The following AMELX variants were observed in gnomAD, a reference collection of about 807,000 sequenced individuals.
AMELX encodes the protein amelogenin X-linked.
In AMELX, 9 loss-of-function variants were observed where a neutral mutation model predicts 15.8. The observed-to-expected ratio is 0.57, with a 90% CI of 0.34 to 0.99. The LOEUF (loss-of-function observed/expected upper bound fraction) is 0.99, where lower values mean the gene tolerates loss of function less well. Ranked by LOEUF, AMELX falls within the 50% of genes least tolerant of loss-of-function variation. The pLI is 0.02. For missense variants in AMELX, 107 were observed against 156.2 expected (o/e 0.68, Z 1.68); for synonymous variants, 61 against 58.8 (o/e 1.04, Z -0.17).
At chrX:11,296,973 C>A in intron 3 of AMELX, 147 bp downstream of exon 3, 1 of 861,991 alleles carries the variant, frequency 1.2e-6, no homozygotes, top group Non-Finnish European at 1.7e-6. Context: ...CCAGTTTAAG[C>A]TCTGATGGTT....
chrX:11,294,757 G>T lies in AMELX; in HGVS notation c.-12-20G>T. The T allele has an allele frequency of 8.3e-7, 1 of 1,203,118 alleles. No homozygotes were observed. Among genetic ancestry groups the T allele is most frequent in the South Asian group, 1.8e-5 (1 of 56,775 alleles). ...TGTTTCAGAAGAGATAAGAAAAGTGGATGTTGACTTACATTTCAGAACCAT... is the reference window on the plus strand; with the variant it reads ...TGTTTCAGAAGAGATAAGAAAAGTGTATGTTGACTTACATTTCAGAACCAT... On this transcript the variant is annotated intron_variant, in intron 1 of 5. Coordinates refer to ENST00000380714, the MANE Select transcript of AMELX (RefSeq NM_001142.2).
intron 1 of AMELX, among the ~76,000 whole-genome samples, chrX:11,294,011 C>A (rs1275233567): frequency 2.7e-5 from 3 of 112,449 alleles, no homozygotes; most frequent in Admixed American, 9.4e-5. Flanking sequence ...TTTAGGAGGA[C>A]CTGTTTTGCT....
At chrX:11,298,485 T>C (rs901083279) in intron 4 of AMELX, 63 bp from the exon 5 acceptor site, 20 of 1,194,706 alleles carry the variant, frequency 1.7e-5, no homozygotes, top group African/African-American at 3.5e-5. Context: ...AAGAAAACAC[T>C]GCTGCTTCTC....
Position 11,300,594 on chromosome X carries a change from C to T in AMELX, c.571-13C>T, listed in dbSNP as rs776065625. 50 of 1,185,672 alleles carry T rather than the reference C, an allele frequency of 4.2e-5. No homozygotes were observed. The highest frequency in any genetic ancestry group is 5.3e-5 in the African/African-American group (3 of 56,718). On this transcript the variant is annotated splice_polypyrimidine_tract_variant and intron_variant, in intron 5 of 5. Coordinates refer to ENST00000380714, the MANE Select transcript of AMELX (RefSeq NM_001142.2). ...GTAAATTATTTTAACTGTTCTTTTG[C>T]AATTTTTTTCAGGATTAAAAGATCA...
chrX:11,294,082 T>A (rs147108420), intron 1 of AMELX, among the ~76,000 whole-genome samples: 3,891 of 112,120 alleles, frequency 0.035, 179 homozygotes, highest in African/African-American at 0.12. Flanking sequence ...AAAATGAAGA[T>A]TCCATTGAAA....
chrX:11,301,191 G>T (rs752443593), downstream of AMELX, among the ~76,000 whole-genome samples: 347 of 108,119 alleles, frequency 3.2e-3, no homozygotes, highest in African/African-American at 0.011. Context: ...ATGGAAAAAA[G>T]ATTTTTAAAT....
intron 2 of AMELX, 55 bp from the exon 3 acceptor site, chrX:11,296,724 T>C: frequency 8.8e-7 from 1 of 1,132,202 alleles, no homozygotes. Flanking sequence ...CTTCTCTTCC[T>C]TCACTCTCTC....
At chrX:11,296,577 T>G (rs1186288885) in intron 2 of AMELX, among the ~76,000 whole-genome samples, 3 of 111,144 alleles carry the variant, frequency 2.7e-5, no homozygotes, top group Non-Finnish European at 3.8e-5. Context: ...AAATAAAAGG[T>G]CTCCTCTTCT....
rs769567581 is a variant in AMELX, at chrX:11,296,845, A to G, written c.102+19A>G. On this transcript the variant is annotated intron_variant, in intron 3 of 5. Transcript: ENST00000380714. ...CTATGAGGTAATTTTTCTCTTTACTAATTTTGACCATTGTTTGCGTTAACA... is the reference window on the plus strand; with the variant it reads ...CTATGAGGTAATTTTTCTCTTTACTGATTTTGACCATTGTTTGCGTTAACA... The G allele has an allele frequency of 4.2e-6, 5 of 1,204,563 alleles. No individual in the cohort carries two copies. In the African/African-American group the frequency reaches 5.2e-5, roughly 13 times the overall value.
chrX:11,298,045 C>T (rs934496503), intron 3 of AMELX, 191 bp from the exon 4 acceptor site: 1 of 1,084,230 alleles, frequency 9.2e-7, no homozygotes, highest in African/African-American at 1.8e-5. Flanking sequence ...GATGTAAACA[C>T]AGTGCCTGTC....
Position 11,298,673 on chromosome X carries a change from T to C in AMELX, c.270T>C (p.Ala90=). Residue 90 remains alanine, a synonymous_variant, in exon 5 of 6, where the codon GCT becomes GCC. Transcript: ENST00000380714. Reference sequence around the variant, plus strand: ...ATCACCACATCCCAGTGGTGCCAGCTCAGCAGCCCGTGATCCCCCAGCAAC... The same window carrying C: ...ATCACCACATCCCAGTGGTGCCAGCCCAGCAGCCCGTGATCCCCCAGCAAC... ...QPHHHIPVVP[A]QQPVIPQQPM... 2 of 1,210,466 alleles carry C rather than the reference T, an allele frequency of 1.7e-6. No homozygotes were observed. Among genetic ancestry groups the C allele is most frequent in the Non-Finnish European group, 2.2e-6 (2 of 895,257 alleles).
chrX:11,297,715 T>A (rs2048109791), intron 3 of AMELX, among the ~76,000 whole-genome samples: 1 of 112,292 alleles, frequency 8.9e-6, no homozygotes. Flanking sequence ...AGATTTTCTG[T>A]TGAACCGAAA....
At chrX:11,304,243 C>T (rs1393947191), downstream of AMELX, among the ~76,000 whole-genome samples, 1 of 110,334 alleles carries the variant, frequency 9.1e-6, no homozygotes, top group Non-Finnish European at 1.9e-5. Flanking sequence ...GAGTGAGCCA[C>T]CACACCCAGC....
chrX:11,302,581 A>G (rs1322331927), downstream of AMELX, among the ~76,000 whole-genome samples: 2 of 111,818 alleles, frequency 1.8e-5, 1 homozygote, highest in South Asian at 7.5e-4. Context: ...TCAAACTAAT[A>G]GTGCAACATA....
chrX:11,307,250 C>T, the AMELX span, among the ~76,000 whole-genome samples: 1 of 111,047 alleles, frequency 9.0e-6, no homozygotes, highest in Non-Finnish European at 1.9e-5. Context: ...TTTCAAGCAG[C>T]ATTCTGAAAT....
chrX:11,304,144 C>T (rs1331229780), downstream of AMELX, among the ~76,000 whole-genome samples: 1 of 109,999 alleles, frequency 9.1e-6, no homozygotes, highest in Admixed American at 9.6e-5. Context: ...GGCTGGAGTG[C>T]AGTGGCATGA....
At chrX:11,293,838 CCAAA>C (rs955858870) in intron 1 of AMELX, among the ~76,000 whole-genome samples, 34 of 111,117 alleles carry the variant, frequency 3.1e-4, no homozygotes, top group African/African-American at 9.8e-4. Flanking sequence ...TCTCATTAAC[CCAAA>C]CAAACAAACA....
chrX:11,296,688 C>T, intron 2 of AMELX, 91 bp from the exon 3 acceptor site: 1 of 992,502 alleles, frequency 1.0e-6, no homozygotes, highest in South Asian at 2.0e-5. Flanking sequence ...TGAACAATTG[C>T]ATACTGACTT....
At chrX:11,299,068 C>A in intron 5 of AMELX, 95 bp downstream of exon 5, 1 of 1,030,658 alleles carries the variant, frequency 9.7e-7, no homozygotes, top group Non-Finnish European at 1.3e-6. Flanking sequence ...AACCAAGGAT[C>A]TAGAGTTGTA....
Sources: gnomAD v4.1 joint callset for allele counts (sites outside exome capture counted in the v4.1 genomes callset) on GRCh38, gnomAD v4.1.1 for gene constraint, MANE v1.5 for transcripts, NCBI Gene and HGNC (gene_info 2026-07-23, HGNC 2026-07-21) for gene names.